Variants in HECW1 observed in about 807,000 individuals in gnomAD.
The protein encoded by HECW1 is HECT, C2 and WW domain containing E3 ubiquitin protein ligase 1.
A neutral mutation model predicts 182.3 loss-of-function variants in HECW1; 61 were observed. The ratio of observed to expected loss-of-function variants is 0.33; its 90% CI spans 0.27 to 0.41. The LOEUF is 0.41. Among genes scored for constraint, HECW1 ranks in the 10% least tolerant of loss-of-function variants. The probability of loss-of-function intolerance (pLI) is 1.00; values close to 1 mark genes in which losing one functional copy is unlikely to be tolerated. For synonymous variants in HECW1, 859 were observed against 832.6 expected (o/e 1.03, Z -0.55); for missense variants, 1,739 against 2,108.9 (o/e 0.82, Z 3.44).
chr7:43,406,756 A>G (rs2075623655), intron 7 of HECW1, among the ~76,000 whole-genome samples: 1 of 152,062 alleles, frequency 6.6e-6, no homozygotes, highest in Admixed American at 6.5e-5. Context: ...TGTCTCTACT[A>G]AAAATACAAA....
chr7:43,355,857 C>T (rs1419581334), intron 5 of HECW1, among the ~76,000 whole-genome samples: 4 of 151,806 alleles, frequency 2.6e-5, no homozygotes, highest in Admixed American at 6.6e-5. Context: ...GGTGTGGTGG[C>T]GCACACCTGT....
intron 16 of HECW1, among the ~76,000 whole-genome samples, chr7:43,470,328 C>G (rs796663849): frequency 1.6e-4 from 24 of 152,294 alleles, no homozygotes; most frequent in African/African-American, 5.8e-4. Context: ...TATTGCTTAA[C>G]CAGGATGCCA....
intron 2 of HECW1, among the ~76,000 whole-genome samples, chr7:43,176,490 C>T (rs1466156345): frequency 6.6e-6 from 1 of 152,150 alleles, no homozygotes; most frequent in Admixed American, 6.5e-5. Flanking sequence ...AGTTGAGGGG[C>T]TTCATCTAAT....
In HECW1 at chr7:43,444,731, G is replaced by A. The variant is rs2076990835; in HGVS notation, c.1559G>A (p.Gly520Asp). Residue 520 changes from glycine to aspartate, a missense_variant, in exon 11 of 30, where the codon GGC (glycine) becomes GAC (aspartate). Gly to Asp is a moderately conservative substitution (Grantham distance 94). Transcript: ENST00000395891. This position sits in a 1 kb window ranked among gnomAD's most constrained non-coding sequence, Gnocchi z 4.3. ...GTGTCTACCCTGGAGCAGGGAGAGG[G>A]CAGGCTGCAGCTGCGGGCCTCGGTG... ...GDVSTLEQGE[G>D]RLQLRASVKR... The A allele has an allele frequency of 1.2e-6, 2 of 1,612,768 alleles. No homozygotes were observed. Among genetic ancestry groups the A allele is most frequent in the Non-Finnish European group, 1.7e-6 (2 of 1,179,458 alleles).
intron 3 of HECW1, among the ~76,000 whole-genome samples, chr7:43,266,581 G>GC (rs1194427593): frequency 2.0e-5 from 3 of 152,088 alleles, no homozygotes; most frequent in Admixed American, 2.0e-4. Flanking sequence ...TGATCCACCC[G>GC]CCTCGGCCTC....
chr7:43,145,904 C>G (rs1788655726), intron 2 of HECW1, among the ~76,000 whole-genome samples: 1 of 152,146 alleles, frequency 6.6e-6, no homozygotes, highest in South Asian at 2.1e-4. Flanking sequence ...TAGAACTGCT[C>G]TTGCTGAACG....
intron 2 of HECW1, among the ~76,000 whole-genome samples, chr7:43,165,277 G>A (rs1790982369): frequency 6.6e-6 from 1 of 152,074 alleles, no homozygotes; most frequent in African/African-American, 2.4e-5. Context: ...TCCAGAGTTG[G>A]AGATTTCCAG....
chr7:43,240,719 G>A (rs1416058913), intron 2 of HECW1, among the ~76,000 whole-genome samples: 1 of 152,210 alleles, frequency 6.6e-6, no homozygotes, highest in East Asian at 1.9e-4. Flanking sequence ...AGTCAGCGTT[G>A]ATGAGTAGTG....
intron 12 of HECW1, 63 bp downstream of exon 12, chr7:43,450,992 T>C (rs2077216317): frequency 8.9e-7 from 1 of 1,125,118 alleles, no homozygotes; most frequent in Non-Finnish European, 1.3e-6. Context: ...CAGGTCAGTA[T>C]GAATTTGTGT....
chr7:43,514,682 T>C (rs1273515744), intron 24 of HECW1, among the ~76,000 whole-genome samples: 1 of 152,234 alleles, frequency 6.6e-6, no homozygotes, highest in African/African-American at 2.4e-5. Context: ...CCTTTTCATA[T>C]TTATTGTATC....
At chr7:43,215,991 C>T (rs752898948) in intron 2 of HECW1, among the ~76,000 whole-genome samples, 54 of 152,108 alleles carry the variant, frequency 3.6e-4, no homozygotes, top group Non-Finnish European at 6.5e-4. Context: ...GACCCCATGA[C>T]GGAGAGATGT....
chr7:43,551,805 G>A lies in HECW1; in HGVS notation c.4396-417G>A, dbSNP rs192895665. The stretch of plus-strand genomic sequence containing the variant: ...CAGACATTTTTTTCTCACAGTTTTG[G>A]AGGCTAGGAAGTCCAAGATCAAGGT... On this transcript the variant is annotated intron_variant, in intron 27 of 29. Coordinates refer to ENST00000395891, the MANE Select transcript of HECW1 (RefSeq NM_015052.5). Among the ~76,000 whole-genome samples the A allele has an allele frequency of 4.2e-4, 64 of 152,270 alleles. No individual in the cohort carries two copies. The East Asian group carries it at 7.9e-3, about 19-fold the overall frequency.
chr7:43,507,125 T>G lies in HECW1; in HGVS notation c.3632-12T>G, dbSNP rs1585122618. 2 of 1,612,098 alleles carry G rather than the reference T, an allele frequency of 1.2e-6. No homozygotes were observed. The highest frequency in any genetic ancestry group is 2.7e-5 in the African/African-American group (2 of 74,764). Reference sequence around the variant, plus strand: ...AAAGAAAGTGATGACCTCTGTGTGCTTCTCTCTGCAGGTTTACAGAGAGCC... The same window carrying G: ...AAAGAAAGTGATGACCTCTGTGTGCGTCTCTCTGCAGGTTTACAGAGAGCC... On this transcript the variant is annotated splice_polypyrimidine_tract_variant and intron_variant, in intron 21 of 29. Coordinates refer to ENST00000395891, the MANE Select transcript of HECW1 (RefSeq NM_015052.5).
intron 2 of HECW1, among the ~76,000 whole-genome samples, chr7:43,156,862 G>C (rs1185060499): frequency 6.6e-6 from 1 of 152,144 alleles, no homozygotes; most frequent in Admixed American, 6.6e-5. Context: ...GGAAAGCATG[G>C]GTCAAGCTGA....
At chr7:43,121,211 A>G (rs1431546696) in intron 2 of HECW1, among the ~76,000 whole-genome samples, 1 of 151,930 alleles carries the variant, frequency 6.6e-6, no homozygotes, top group East Asian at 1.9e-4. Flanking sequence ...CAGCAAGTAG[A>G]CCCGGCAACT....
At chr7:43,161,545 A>G (rs1790528007) in intron 2 of HECW1, 1 of 152,226 alleles carries the variant, frequency 6.6e-6, no homozygotes, top group African/African-American at 2.4e-5. Flanking sequence ...CCAGTAGTGC[A>G]TGGTACAGTG....
chr7:43,258,729 T>C (rs1350294484), intron 3 of HECW1: 2 of 152,236 alleles, frequency 1.3e-5, no homozygotes, highest in African/African-American at 4.8e-5. Flanking sequence ...TTAAATTGCC[T>C]GTGCTTATAG....
intron 2 of HECW1, among the ~76,000 whole-genome samples, chr7:43,183,451 T>G (rs1325771760): frequency 2.0e-5 from 3 of 152,218 alleles, no homozygotes; most frequent in Non-Finnish European, 4.4e-5. Context: ...TCTACTATAG[T>G]CAGCATGAGT....
chr7:43,237,140 AGTAGGTAG>A (rs71008898), intron 2 of HECW1, among the ~76,000 whole-genome samples: 9,186 of 133,848 alleles, frequency 0.069, 367 homozygotes, highest in Non-Finnish European at 0.093. Context: ...GAAGGAAGGA[AGTAGGTAG>A]GTAGGTAGGT....
Sources: gnomAD v4.1 joint callset for allele counts (sites outside exome capture counted in the v4.1 genomes callset) on GRCh38, gnomAD v4.1.1 for gene constraint, Gnocchi (gnomAD v3.1) non-coding constraint, MANE v1.5 for transcripts, NCBI Gene and HGNC (gene_info 2026-07-23, HGNC 2026-07-21) for gene names.